Variants in AKAP9 observed in about 807,000 individuals in gnomAD.
AKAP9 encodes the protein A-kinase anchoring protein 9, also known as A-kinase anchor protein 9.
AKAP9 carries 311 observed loss-of-function variants against 488.5 expected under a neutral mutation model. That is an observed-to-expected ratio of 0.64 (90% CI 0.58 to 0.70). AKAP9 has a LOEUF of 0.70. AKAP9 is among the 30% of genes least tolerant of loss of function. The pLI, the probability that AKAP9 is intolerant of heterozygous loss-of-function variation, is 0.00. For synonymous variants in AKAP9, 1,462 were observed against 1,483.5 expected, an observed-to-expected ratio of 0.99 and a Z score of 0.33; for missense variants, 4,215 against 4,374.5, an observed-to-expected ratio of 0.96 and a Z score of 1.03.
rs374100390 is a variant in AKAP9, at chr7:92,001,816, C to T, written c.1899C>T (p.His633=). 1.4e-5 allele frequency: 23 copies of T among 1,613,110 alleles called. No individual in the cohort carries two copies. Among genetic ancestry groups the T allele is most frequent in the Admixed American group, 3.3e-5 (2 of 59,936 alleles). Residue 633 remains histidine, a synonymous_variant, in exon 8 of 50, where the codon CAC becomes CAT. Coordinates refer to ENST00000356239, the MANE Select transcript of AKAP9 (RefSeq NM_005751.5). ...ERLRTQLLFS[H]EEELSKLKED... ...TGAGAACACAGCTTCTATTTAGTCA[C>T]GAAGAAGAGCTTTCCAAACTGAAGG...
intron 21 of AKAP9, among the ~76,000 whole-genome samples, chr7:92,047,857 A>G (rs537617120): frequency 2.7e-4 from 41 of 152,356 alleles, no homozygotes; most frequent in Non-Finnish European, 4.9e-4. Flanking sequence ...ATCATTGGTT[A>G]CATTTACTTT....
At chr7:92,030,110 G>A in intron 15 of AKAP9, 119 bp downstream of exon 15, 1 of 716,112 alleles carries the variant, frequency 1.4e-6, no homozygotes, top group Non-Finnish European at 2.3e-6. Flanking sequence ...TAAATATGAG[G>A]ATAATGCCTT....
intron 20 of AKAP9, chr7:92,043,364 A>G (rs1001319902): frequency 3.4e-5 from 33 of 979,172 alleles, no homozygotes; most frequent in Non-Finnish European, 4.0e-5. Flanking sequence ...TGGAACTCAA[A>G]CAAGAAAGAC....
At chr7:92,027,362 C>T (rs1257885035) in intron 14 of AKAP9, among the ~76,000 whole-genome samples, 14 of 134,266 alleles carry the variant, frequency 1.0e-4, no homozygotes, top group Admixed American at 7.5e-4. Flanking sequence ...CCGGCCGCCT[C>T]GTCTGGGATG....
chr7:92,042,230 T>G (rs1200873667), intron 19 of AKAP9, 44 bp downstream of exon 19: 3 of 1,611,686 alleles, frequency 1.9e-6, no homozygotes, highest in Non-Finnish European at 2.5e-6. Flanking sequence ...GATCACCAAT[T>G]CAGTAGGATT....
At chr7:92,042,807 A>G (rs199882094) in intron 20 of AKAP9, 36 bp downstream of exon 20, 2 of 1,366,560 alleles carry the variant, frequency 1.5e-6, no homozygotes, top group East Asian at 2.3e-5. Context: ...TGCAAAGTAA[A>G]TTAAAATGGT....
Position 92,079,602 on chromosome 7 carries a change from G to A in AKAP9, c.7469G>A (p.Gly2490Asp), listed in dbSNP as rs760800507. The part of the protein sequence containing the change: ...QTYFKSFEEN[G>D]KGSIINLETR... ...TACTTCAAATCTTTTGAAGAAAATGGCAAAGGTTCCATAATTAATTTGGAA... is the reference window on the plus strand; with the variant it reads ...TACTTCAAATCTTTTGAAGAAAATGACAAAGGTTCCATAATTAATTTGGAA... The change falls in exon 31 of 50, where the codon GGC (glycine) becomes GAC (aspartate). Residue 2490 changes from glycine to aspartate, a missense_variant. By Grantham distance (94) the Gly-to-Asp change is moderately conservative (BLOSUM62 -1). Coordinates refer to ENST00000356239, the MANE Select transcript of AKAP9 (RefSeq NM_005751.5). 2.1e-5 allele frequency: 34 copies of A among 1,613,748 alleles called. No individual in the cohort carries two copies. The highest frequency in any genetic ancestry group is 2.6e-5 in the Non-Finnish European group (31 of 1,180,000).
At chr7:92,038,075 A>G (rs1332113547) in intron 16 of AKAP9, among the ~76,000 whole-genome samples, 1 of 152,206 alleles carries the variant, frequency 6.6e-6, no homozygotes, top group Non-Finnish European at 1.5e-5. Flanking sequence ...GAATAAGAAG[A>G]TTTGGGAAAG....
At chr7:91,982,278 G>A (rs1197137082) in intron 3 of AKAP9, among the ~76,000 whole-genome samples, 8 of 151,958 alleles carry the variant, frequency 5.3e-5, no homozygotes, top group South Asian at 2.1e-4. Context: ...TTCCATGCTG[G>A]TTTGCTGCAC....
chr7:91,987,114 T>C lies in AKAP9; in HGVS notation c.352-5044T>C, dbSNP rs371094654. Among the ~76,000 whole-genome samples the C allele has an allele frequency of 3.3e-5, 5 of 152,066 alleles. 1 individual carries two copies. Among genetic ancestry groups the C allele is most frequent in the Non-Finnish European group, 1.5e-5 (1 of 67,980 alleles). ...ATAAACAGTGATTTAGAAGATTACA[T>C]TGAAAAAAGATAATTATGAGCCAGG... On this transcript the variant is annotated intron_variant, in intron 3 of 49. Transcript: ENST00000356239.
chr7:92,080,189 C>A, intron 31 of AKAP9, 37 bp downstream of exon 31: 2 of 1,436,992 alleles, frequency 1.4e-6, no homozygotes, highest in South Asian at 1.2e-5. Flanking sequence ...TTTAAATACC[C>A]CAAGAAACTA....
intron 8 of AKAP9, among the ~76,000 whole-genome samples, chr7:92,010,022 A>G (rs1008178600): frequency 1.3e-5 from 2 of 152,156 alleles, no homozygotes; most frequent in African/African-American, 4.8e-5. Flanking sequence ...TGGGACCACA[A>G]CAGGCACATA....
At chr7:92,108,671 T>C (rs1818911044) in intron 49 of AKAP9, 38 bp downstream of exon 49, 1 of 1,613,254 alleles carries the variant, frequency 6.2e-7, no homozygotes. Flanking sequence ...AGCACCACAG[T>C]GCGAGACCCA....
rs756171219 is a variant in AKAP9 at position 92,002,082 on chromosome 7, A to G, written c.2165A>G (p.Asn722Ser). The change falls in exon 8 of 50, where the codon AAT becomes AGT. Residue 722 changes from asparagine to serine, a missense_variant. Physicochemically the swap from Asn to Ser is conservative, Grantham distance 46. Coordinates refer to ENST00000356239, the MANE Select transcript of AKAP9 (RefSeq NM_005751.5). ...TCAGAAGAAATGACTCTTCAAATCA[A>G]TGAACTTCAAAAAGAAATTGAAATA... ...SKSEEMTLQINELQKEIEILR... is the reference protein window; with the variant it reads ...SKSEEMTLQISELQKEIEILR... 4 of 1,594,882 alleles carry G rather than the reference A, an allele frequency of 2.5e-6. No homozygotes were observed. Among genetic ancestry groups the G allele is most frequent in the Admixed American group, 1.8e-5 (1 of 55,256 alleles).
chr7:92,046,773 T>C (rs953441764), intron 21 of AKAP9, among the ~76,000 whole-genome samples: 2 of 152,220 alleles, frequency 1.3e-5, no homozygotes, highest in African/African-American at 4.8e-5. Flanking sequence ...AAATTATGCT[T>C]TTTAAAAAAC....
At chr7:91,960,108 T>A (rs1372358891) in intron 1 of AKAP9, among the ~76,000 whole-genome samples, 2 of 152,200 alleles carry the variant, frequency 1.3e-5, no homozygotes, top group Non-Finnish European at 2.9e-5. Flanking sequence ...TATATAGTCA[T>A]CATAATTAGA....
intron 22 of AKAP9, among the ~76,000 whole-genome samples, chr7:92,056,556 A>ACCT (rs1320796270): frequency 6.6e-6 from 1 of 151,056 alleles, no homozygotes; most frequent in Non-Finnish European, 1.5e-5. Flanking sequence ...TTGTTAAGAC[A>ACCT]CCTTCACAGA....
rs1584230414 is a variant in AKAP9 at position 92,031,608 on chromosome 7, G to A, written c.4338+4G>A. 2 of 1,584,852 alleles carry A rather than the reference G, an allele frequency of 1.3e-6. No individual in the cohort carries two copies. The highest frequency in any genetic ancestry group is 1.7e-6 in the Non-Finnish European group (2 of 1,154,008). On this transcript the variant is annotated splice_donor_region_variant and intron_variant, in intron 16 of 49. Coordinates refer to ENST00000356239, the MANE Select transcript of AKAP9 (RefSeq NM_005751.5). ...ATTAGAAGAAGAAGTAGCTAAGGTA[G>A]GCTTATAGCTTATCTGGAAGATTAT...
intron 1 of AKAP9, among the ~76,000 whole-genome samples, chr7:91,963,752 T>C (rs1272232852): frequency 3.3e-5 from 5 of 152,158 alleles, no homozygotes; most frequent in Admixed American, 6.5e-5. Flanking sequence ...ACTCCTGACC[T>C]TGTGATCCGC....
Sources: gnomAD v4.1 joint callset for allele counts (sites outside exome capture counted in the v4.1 genomes callset) on GRCh38, gnomAD v4.1.1 for gene constraint, MANE v1.5 for transcripts, NCBI Gene and HGNC (gene_info 2026-07-23, HGNC 2026-07-21) for gene names.